The following RALGPS2 variants were observed in gnomAD, a reference collection of about 807,000 sequenced individuals.
RALGPS2 encodes the protein ras-specific guanine nucleotide-releasing factor RalGPS2.
RALGPS2 carries 43 observed loss-of-function variants against 86.8 expected under a neutral mutation model. The observed-to-expected ratio is 0.50, with a 90% CI of 0.39 to 0.64. The LOEUF (loss-of-function observed/expected upper bound fraction) is 0.64. Among genes scored for constraint, RALGPS2 ranks in the 30% least tolerant of loss-of-function variants. The pLI is 0.00. For missense variants in RALGPS2, 536 were observed against 694.6 expected (o/e 0.77, Z 2.57); for synonymous variants, 243 against 231.3 (o/e 1.05, Z -0.46).
chr1:178,874,604 G>A (rs1198852479), intron 8 of RALGPS2, among the ~76,000 whole-genome samples: 1 of 152,154 alleles, frequency 6.6e-6, no homozygotes, highest in Non-Finnish European at 1.5e-5. Context: ...TGAAACTCCT[G>A]TTTAAACTTT....
intron 1 of RALGPS2, among the ~76,000 whole-genome samples, chr1:178,752,345 CG>C (rs1033856972): frequency 1.4e-5 from 2 of 143,176 alleles, no homozygotes; most frequent in Admixed American, 1.4e-4. Context: ...AGATTGGTGG[CG>C]GGGGGGAGGG....
chr1:178,819,132 G>A (rs892939875), intron 6 of RALGPS2, among the ~76,000 whole-genome samples: 3 of 151,788 alleles, frequency 2.0e-5, no homozygotes, highest in Non-Finnish European at 4.4e-5. Flanking sequence ...GGGACTACAG[G>A]CACATGCCAC....
chr1:178,751,881 A>C (rs577196098), intron 1 of RALGPS2, among the ~76,000 whole-genome samples: 24 of 152,208 alleles, frequency 1.6e-4, no homozygotes, highest in Non-Finnish European at 4.4e-5. Context: ...TGTTACTTTT[A>C]AAAGACCAGA....
At chr1:178,844,315 G>A (rs569776392) in intron 8 of RALGPS2, among the ~76,000 whole-genome samples, 1 of 152,246 alleles carries the variant, frequency 6.6e-6, no homozygotes, top group Admixed American at 6.5e-5. Context: ...CAAACTAATA[G>A]TTTTTTCTCC....
intron 13 of RALGPS2, among the ~76,000 whole-genome samples, chr1:178,886,777 C>A (rs1222660475): frequency 1.3e-5 from 2 of 151,916 alleles, no homozygotes; most frequent in Non-Finnish European, 2.9e-5. Context: ...AAGGAGAGAT[C>A]AGTGAAGTAA....
intron 19 of RALGPS2, among the ~76,000 whole-genome samples, chr1:178,914,303 C>A (rs919204324): frequency 2.6e-5 from 4 of 152,274 alleles, no homozygotes; most frequent in African/African-American, 9.6e-5. Flanking sequence ...GCTCTCCAGG[C>A]AGTTCCCCCT....
Position 178,899,085 on chromosome 1 carries a change from G to T in RALGPS2, c.1524+1329G>T, listed in dbSNP as rs558521769. ...AAAAGTCATTATTCAAAATAAAATG[G>T]TTTTTTTGTTTTTTGTTTTTTCTTA... is the stretch of plus-strand genomic sequence containing the variant. On this transcript the variant is annotated intron_variant, in intron 17 of 19. Coordinates refer to ENST00000367635, the MANE Select transcript of RALGPS2 (RefSeq NM_152663.5). Among the ~76,000 whole-genome samples, 20 of 151,892 alleles carry T rather than the reference G, an allele frequency of 1.3e-4. No individual in the cohort carries two copies. The South Asian group carries it at 3.7e-3, about 28-fold the overall frequency.
intron 18 of RALGPS2, 21 bp from the exon 19 acceptor site, chr1:178,906,755 C>T (rs765344571): frequency 1.3e-6 from 2 of 1,577,224 alleles, no homozygotes; most frequent in South Asian, 1.1e-5. Context: ...AATATTTCCC[C>T]CTTATTTTGG....
intron 4 of RALGPS2, among the ~76,000 whole-genome samples, chr1:178,788,181 G>A (rs1347795820): frequency 6.6e-6 from 1 of 151,996 alleles, no homozygotes; most frequent in African/African-American, 2.4e-5. Context: ...ACTTTCTCAG[G>A]TAAGCTTTTT....
chr1:178,793,031 C>T (rs1654031594), intron 4 of RALGPS2, among the ~76,000 whole-genome samples: 1 of 152,188 alleles, frequency 6.6e-6, no homozygotes, highest in Non-Finnish European at 1.5e-5. Flanking sequence ...GTCCAACACA[C>T]AGCAGTCTGA....
intron 4 of RALGPS2, among the ~76,000 whole-genome samples, chr1:178,805,117 A>G (rs1654679009): frequency 6.6e-6 from 1 of 151,052 alleles, no homozygotes; most frequent in Non-Finnish European, 1.5e-5. Flanking sequence ...CCATTTTTTG[A>G]TGGGGTTGTT....
intron 16 of RALGPS2, among the ~76,000 whole-genome samples, chr1:178,894,597 A>G (rs1292100008): frequency 2.0e-5 from 3 of 152,094 alleles, no homozygotes; most frequent in African/African-American, 4.8e-5. Context: ...GTGAGATTTT[A>G]TCATGTTACT....
chr1:178,743,943 T>A (rs1327045308), intron 1 of RALGPS2, among the ~76,000 whole-genome samples: 1 of 152,130 alleles, frequency 6.6e-6, no homozygotes, highest in Non-Finnish European at 1.5e-5. Context: ...AAGGAAGAAT[T>A]AAGACCAGTT....
At chr1:178,912,703 T>C (rs1213489054) in intron 19 of RALGPS2, among the ~76,000 whole-genome samples, 1 of 152,190 alleles carries the variant, frequency 6.6e-6, no homozygotes, top group Non-Finnish European at 1.5e-5. Context: ...TCTGAATTTC[T>C]TGAGTTTGCA....
chr1:178,817,345 TAAAAAAAAAA>T (rs142692953), intron 6 of RALGPS2, among the ~76,000 whole-genome samples: 48 of 98,054 alleles, frequency 4.9e-4, no homozygotes, highest in African/African-American at 1.1e-3. Flanking sequence ...TGTCTCAATT[TAAAAAAAAAA>T]AAAAAAAAAA....
chr1:178,845,243 A>G (rs779694589), intron 8 of RALGPS2, among the ~76,000 whole-genome samples: 27 of 152,164 alleles, frequency 1.8e-4, no homozygotes, highest in Admixed American at 9.2e-4. Flanking sequence ...GAATGTGAGT[A>G]TACTCTTTTG....
chr1:178,801,157 C>G (rs892755531), intron 4 of RALGPS2, among the ~76,000 whole-genome samples: 2 of 152,074 alleles, frequency 1.3e-5, no homozygotes, highest in South Asian at 4.1e-4. Context: ...AACTCCTGAC[C>G]TCAGGTGATC....
At chr1:178,780,962 AAT>A (rs1249871996) in intron 2 of RALGPS2, among the ~76,000 whole-genome samples, 2 of 151,892 alleles carry the variant, frequency 1.3e-5, no homozygotes, top group Non-Finnish European at 2.9e-5. Context: ...ATATGTTTGT[AAT>A]ATATGTTTGT....
chr1:178,730,323 ATTC>A (rs1159723915), intron 1 of RALGPS2, among the ~76,000 whole-genome samples: 1 of 152,070 alleles, frequency 6.6e-6, no homozygotes, highest in Non-Finnish European at 1.5e-5. Flanking sequence ...ATGCTTTAGG[ATTC>A]TTATGCCACC....
Sources: allele counts gnomAD v4.1 joint callset (sites outside exome capture counted in the v4.1 genomes callset), GRCh38; gene constraint gnomAD v4.1.1; transcripts MANE v1.5; gene names NCBI Gene and HGNC (gene_info 2026-07-23, HGNC 2026-07-21).